PARD3: variants seen among roughly 807,000 people sequenced by gnomAD.
The protein encoded by PARD3 is par-3 family cell polarity regulator, also known as partitioning defective 3 homolog.
Under a neutral mutation model 155.4 loss-of-function variants are expected in PARD3, and 75 were observed. The ratio of observed to expected loss-of-function variants is 0.48; its 90% CI spans 0.40 to 0.58. The LOEUF (loss-of-function observed/expected upper bound fraction) is 0.58, where lower values mean the gene tolerates loss of function less well. Among genes scored for constraint, PARD3 ranks in the 20% least tolerant of loss-of-function variants. The probability of loss-of-function intolerance (pLI) is 0.00; values close to 1 mark genes in which losing one functional copy is unlikely to be tolerated. For synonymous variants in PARD3, 576 were observed against 610.5 expected, an observed-to-expected ratio of 0.94 and a Z score of 0.83; for missense variants, 1,642 against 1,721.7, an observed-to-expected ratio of 0.95 and a Z score of 0.82.
intron 2 of PARD3, among the ~76,000 whole-genome samples, chr10:34,652,003 G>A (rs548745769): frequency 1.1e-4 from 16 of 152,144 alleles, no homozygotes; most frequent in African/African-American, 1.9e-4. Context: ...ACTGTCAGTC[G>A]CAGCATCTGA....
intron 3 of PARD3, among the ~76,000 whole-genome samples, chr10:34,484,195 A>T (rs868471079): frequency 6.6e-6 from 1 of 152,242 alleles, no homozygotes; most frequent in Non-Finnish European, 1.5e-5. Context: ...AACTGGAAAC[A>T]TATTAGTCAA....
chr10:34,687,234 G>A (rs1457429178), intron 2 of PARD3, among the ~76,000 whole-genome samples: 5 of 151,776 alleles, frequency 3.3e-5, no homozygotes, highest in African/African-American at 1.2e-4. Context: ...TACCATAAGA[G>A]GCACCAAAAC....
intron 1 of PARD3, among the ~76,000 whole-genome samples, chr10:34,800,115 G>A (rs559292295): frequency 6.6e-6 from 1 of 150,418 alleles, no homozygotes; most frequent in Non-Finnish European, 1.5e-5. Context: ...GGGTGACAGA[G>A]CAAGACCCTC....
intron 22 of PARD3, among the ~76,000 whole-genome samples, chr10:34,170,500 C>T (rs1949736437): frequency 6.6e-6 from 1 of 152,152 alleles, no homozygotes; most frequent in African/African-American, 2.4e-5. Context: ...CTGGGGAAGA[C>T]TGGCATGTAA....
chr10:34,130,667 A>G (rs922455709), intron 23 of PARD3, among the ~76,000 whole-genome samples: 1 of 152,228 alleles, frequency 6.6e-6, no homozygotes, highest in Non-Finnish European at 1.5e-5. Context: ...GCACTGAGAA[A>G]GCCATCTGAA....
At chr10:34,533,625 G>A (rs528856629) in intron 2 of PARD3, among the ~76,000 whole-genome samples, 1 of 152,034 alleles carries the variant, frequency 6.6e-6, no homozygotes, top group Non-Finnish European at 1.5e-5. Flanking sequence ...CGGACAACAT[G>A]GTGAAACCCC....
intron 22 of PARD3, among the ~76,000 whole-genome samples, chr10:34,226,240 A>AT (rs1182323953): frequency 2.0e-5 from 3 of 152,236 alleles, no homozygotes; most frequent in Non-Finnish European, 4.4e-5. Flanking sequence ...ACTCACTAGG[A>AT]TGGCTATAAT....
chr10:34,167,636 G>A (rs1056196408), intron 22 of PARD3, among the ~76,000 whole-genome samples: 1 of 151,994 alleles, frequency 6.6e-6, no homozygotes, highest in African/African-American at 2.4e-5. Flanking sequence ...AAAAAAATAT[G>A]AGAACGCATA....
At chr10:34,284,883 AT>A (rs1479546222) in intron 20 of PARD3, among the ~76,000 whole-genome samples, 1 of 152,224 alleles carries the variant, frequency 6.6e-6, no homozygotes, top group Non-Finnish European at 1.5e-5. Flanking sequence ...ATAAATCCAC[AT>A]CTGATCAAAA....
intron 22 of PARD3, among the ~76,000 whole-genome samples, chr10:34,231,649 T>C (rs974328338): frequency 2.0e-5 from 3 of 152,070 alleles, no homozygotes; most frequent in Non-Finnish European, 2.9e-5. Flanking sequence ...TCTTTTTTTT[T>C]TCTCTCTTGA....
intron 5 of PARD3, among the ~76,000 whole-genome samples, chr10:34,426,952 G>A (rs1280470631): frequency 6.6e-6 from 1 of 152,140 alleles, no homozygotes; most frequent in African/African-American, 2.4e-5. Context: ...CATAAATTGT[G>A]AAGATTTCAT....
intron 2 of PARD3, among the ~76,000 whole-genome samples, chr10:34,678,297 C>A (rs1218878232): frequency 6.6e-6 from 1 of 152,104 alleles, no homozygotes; most frequent in African/African-American, 2.4e-5. Context: ...TGGTCTCAAA[C>A]TTCTAGGTTC....
chr10:34,647,414 A>G (rs2092875862), intron 2 of PARD3, among the ~76,000 whole-genome samples: 2 of 152,356 alleles, frequency 1.3e-5, no homozygotes, highest in Middle Eastern at 3.4e-3. Context: ...CAAAGCCAGC[A>G]GTCCTACTGA....
At chr10:34,333,831 C>T (rs1031694236) in intron 18 of PARD3, among the ~76,000 whole-genome samples, 5 of 152,042 alleles carry the variant, frequency 3.3e-5, no homozygotes, top group African/African-American at 7.2e-5. Context: ...GTAACATACA[C>T]TTTAGTACTA....
intron 1 of PARD3, among the ~76,000 whole-genome samples, chr10:34,715,358 C>A (rs897854810): frequency 6.6e-6 from 1 of 152,048 alleles, no homozygotes; most frequent in East Asian, 1.9e-4. Flanking sequence ...GGACTGCACC[C>A]GGCCCTGTGC....
intron 3 of PARD3, among the ~76,000 whole-genome samples, chr10:34,505,292 T>A (rs974471368): frequency 6.6e-6 from 1 of 152,166 alleles, no homozygotes; most frequent in Non-Finnish European, 1.5e-5. Context: ...CTTATTCTCA[T>A]GCAAAGGTAA....
intron 22 of PARD3, among the ~76,000 whole-genome samples, chr10:34,191,180 A>C (rs1950692041): frequency 6.6e-6 from 1 of 152,052 alleles, no homozygotes; most frequent in South Asian, 2.1e-4. Flanking sequence ...AGAAATAAAA[A>C]TGGCCTAGTG....
rs140018194 is a variant in PARD3, at chr10:34,724,759, C to T, written c.121-28340G>A. Among the ~76,000 whole-genome samples the T allele has an allele frequency of 9.2e-4, 140 of 152,344 alleles. 1 individual carries two copies. Among genetic ancestry groups the T allele is most frequent in the African/African-American group, 3.2e-3 (135 of 41,584 alleles). On this transcript the variant is annotated intron_variant, in intron 1 of 24. Transcript: ENST00000374788. The stretch of plus-strand genomic sequence containing the variant: ...GAGCTCTGGGGATAGGTCAAGTCAG[C>T]TGGGCTGTGCTACCACGGGCAGCAG...
intron 20 of PARD3, among the ~76,000 whole-genome samples, chr10:34,300,149 G>A (rs537408106): frequency 1.1e-4 from 17 of 152,268 alleles, no homozygotes; most frequent in Admixed American, 9.8e-4. Context: ...ATGAAAGATG[G>A]ACACTGTTGC....
Sources: allele counts gnomAD v4.1 joint callset (sites outside exome capture counted in the v4.1 genomes callset), GRCh38; gene constraint gnomAD v4.1.1; transcripts MANE v1.5; gene names NCBI Gene and HGNC (gene_info 2026-07-23, HGNC 2026-07-21).